The following SAMMSON variants were observed in gnomAD, a reference collection of about 807,000 sequenced individuals.
The protein encoded by SAMMSON is survival associated mitochondrial melanoma specific oncogenic non-coding RNA.
intron 3 of SAMMSON, among the ~76,000 whole-genome samples, chr3:70,036,750 G>A (rs2067086968): frequency 6.6e-6 from 1 of 151,942 alleles, no homozygotes; most frequent in Admixed American, 6.6e-5. Context: ...TGTTTTCTGA[G>A]CACCAGGAAC....
At chr3:70,314,180 C>G (rs574718813) in intron 7 of SAMMSON, among the ~76,000 whole-genome samples, 7 of 152,254 alleles carry the variant, frequency 4.6e-5, no homozygotes, top group East Asian at 1.9e-4. Context: ...CCTCCTCCCC[C>G]CAGTGCAACC....
chr3:70,432,485 A>G (rs1701422182), intron 2 of SAMMSON, among the ~76,000 whole-genome samples: 1 of 151,898 alleles, frequency 6.6e-6, no homozygotes, highest in African/African-American at 2.4e-5. Flanking sequence ...CTCTTAATTA[A>G]TAAACTATAT....
intron 6 of SAMMSON, among the ~76,000 whole-genome samples, chr3:70,250,566 C>T (rs76707409): frequency 0.042 from 6,318 of 152,046 alleles, 258 homozygotes; most frequent in East Asian, 0.14. Context: ...TTAAACTATT[C>T]GGGTGGAAAA....
chr3:70,004,736 TACTA>T (rs2066919260), intron 1 of SAMMSON, among the ~76,000 whole-genome samples: 1 of 152,178 alleles, frequency 6.6e-6, no homozygotes, highest in African/African-American at 2.4e-5. Flanking sequence ...TAAAAACAAA[TACTA>T]ACACCACATT....
chr3:70,399,523 CCA>C, intron 2 of SAMMSON, among the ~76,000 whole-genome samples: 1 of 152,182 alleles, frequency 6.6e-6, no homozygotes, highest in Non-Finnish European at 1.5e-5. Flanking sequence ...AATGAAAACC[CCA>C]ACAAATATAT....
At chr3:70,188,320 T>A (rs1379216986) in intron 4 of SAMMSON, among the ~76,000 whole-genome samples, 1 of 152,204 alleles carries the variant, frequency 6.6e-6, no homozygotes, top group Non-Finnish European at 1.5e-5. Flanking sequence ...ATGGGGGTCA[T>A]AATACCTTTC....
At chr3:70,336,858 GGA>G (rs1553656688) in intron 7 of SAMMSON, among the ~76,000 whole-genome samples, 2 of 135,766 alleles carry the variant, frequency 1.5e-5, no homozygotes, top group South Asian at 2.3e-4. Context: ...GTGTGTGTGT[GGA>G]GAGAGAGAGA....
intron 4 of SAMMSON, among the ~76,000 whole-genome samples, chr3:70,248,783 A>G (rs773149693): frequency 3.3e-5 from 5 of 152,134 alleles, no homozygotes; most frequent in South Asian, 2.1e-4. Flanking sequence ...AACCTGGTTA[A>G]TATAAAACAA....
At chr3:70,356,381 A>G (rs920594147) in intron 8 of SAMMSON, among the ~76,000 whole-genome samples, 2 of 152,170 alleles carry the variant, frequency 1.3e-5, no homozygotes, top group Non-Finnish European at 2.9e-5. Flanking sequence ...ATCAAATTAT[A>G]TAATTTAACC....
chr3:70,262,640 T>C (rs1269467286), intron 6 of SAMMSON, among the ~76,000 whole-genome samples: 11 of 152,202 alleles, frequency 7.2e-5, no homozygotes, highest in Non-Finnish European at 2.9e-5. Context: ...CAAGCAGTCA[T>C]TGACTCTCAA....
chr3:70,294,020 G>T (rs927080914), intron 7 of SAMMSON, among the ~76,000 whole-genome samples: 1 of 152,054 alleles, frequency 6.6e-6, no homozygotes, highest in Non-Finnish European at 1.5e-5. Context: ...ACAGCTGGGT[G>T]TATTTTAATA....
intron 6 of SAMMSON, among the ~76,000 whole-genome samples, chr3:70,263,778 T>G (rs1701889818): frequency 6.6e-6 from 1 of 152,164 alleles, no homozygotes; most frequent in South Asian, 2.1e-4. Flanking sequence ...TCAGTAACAC[T>G]GTCTGGCTCC....
chr3:70,421,850 A>G (rs1460867555), intron 2 of SAMMSON, among the ~76,000 whole-genome samples: 4 of 152,102 alleles, frequency 2.6e-5, no homozygotes, highest in Non-Finnish European at 4.4e-5. Context: ...CTTGTGCCCT[A>G]GAGATTTCCA....
chr3:70,184,152 C>T (rs772074937), intron 4 of SAMMSON: 11 of 152,134 alleles, frequency 7.2e-5, no homozygotes, highest in African/African-American at 2.7e-4. Flanking sequence ...ATGTATCATC[C>T]GTGATGCTTC....
chr3:70,189,492 A>G (rs1701115622), intron 4 of SAMMSON, among the ~76,000 whole-genome samples: 2 of 152,208 alleles, frequency 1.3e-5, no homozygotes, highest in Non-Finnish European at 2.9e-5. Flanking sequence ...AGAACTTGCC[A>G]GGGGCCTGGA....
At chr3:70,290,460 C>G (rs1190970080) in intron 6 of SAMMSON, among the ~76,000 whole-genome samples, 1 of 152,202 alleles carries the variant, frequency 6.6e-6, no homozygotes, top group African/African-American at 2.4e-5. Context: ...CTGCTCTCTT[C>G]AAAGCTGTCA....
At chr3:70,244,407 T>G (rs1277751523) in intron 4 of SAMMSON, among the ~76,000 whole-genome samples, 1 of 152,234 alleles carries the variant, frequency 6.6e-6, no homozygotes, top group Non-Finnish European at 1.5e-5. Flanking sequence ...AAGGGCATTC[T>G]ATTTGCTACT....
chr3:70,346,958 A>C (rs993002539), intron 7 of SAMMSON, among the ~76,000 whole-genome samples: 4 of 152,162 alleles, frequency 2.6e-5, no homozygotes. Context: ...AACTGATTCT[A>C]AACCATTATG....
At chr3:70,288,362 A>G (rs1171784674) in intron 6 of SAMMSON, among the ~76,000 whole-genome samples, 1 of 130,356 alleles carries the variant, frequency 7.7e-6, no homozygotes, top group Non-Finnish European at 1.6e-5. Flanking sequence ...CATGTAGTTG[A>G]GCGGTTTTGA....
Sources: allele counts gnomAD v4.1 joint callset (sites outside exome capture counted in the v4.1 genomes callset), GRCh38; gene constraint gnomAD v4.1.1; transcripts MANE v1.5; gene names NCBI Gene and HGNC (gene_info 2026-07-23, HGNC 2026-07-21).